FLNB: variants seen among roughly 807,000 people sequenced by gnomAD.
The protein encoded by FLNB is filamin-B.
In FLNB, 111 loss-of-function variants were observed where a neutral mutation model predicts 250.6. That is an observed-to-expected ratio of 0.44 (90% CI 0.38 to 0.52). The LOEUF is 0.52. FLNB is among the 20% of genes least tolerant of loss of function. FLNB has a pLI of 0.00. For synonymous variants in FLNB, 1,302 were observed against 1,372.1 expected (o/e 0.95, Z 1.13); for missense variants, 2,869 against 3,447.8 (o/e 0.83, Z 4.20).
intron 42 of FLNB, among the ~76,000 whole-genome samples, chr3:58,160,798 T>C (rs1008951164): frequency 2.0e-5 from 3 of 151,608 alleles, no homozygotes; most frequent in African/African-American, 7.3e-5. Context: ...CTGGGTAACA[T>C]AGTGAGACCC....
chr3:58,042,769 TTTG>T (rs1303878522), intron 1 of FLNB, among the ~76,000 whole-genome samples: 2 of 152,184 alleles, frequency 1.3e-5, no homozygotes, highest in African/African-American at 2.4e-5. Context: ...TACTCTCTCC[TTTG>T]CCTCCAGCCA....
At chr3:58,010,422 A>C (rs1478453373) in intron 1 of FLNB, among the ~76,000 whole-genome samples, 2 of 152,078 alleles carry the variant, frequency 1.3e-5, no homozygotes, top group Non-Finnish European at 2.9e-5. Flanking sequence ...CCCAGATGGC[A>C]GCCGCACCAC....
intron 1 of FLNB, among the ~76,000 whole-genome samples, chr3:58,070,660 CTTTTT>C (rs1202591087): frequency 1.1e-5 from 1 of 89,680 alleles, no homozygotes; most frequent in Admixed American, 1.3e-4. Flanking sequence ...CTCTCTCTCT[CTTTTT>C]TTTTTTTTTT....
At chr3:58,170,463 T>C (rs2097380467) in intron 45 of FLNB, 112 bp from the exon 46 acceptor site, 1 of 1,049,074 alleles carries the variant, frequency 9.5e-7, no homozygotes, top group Non-Finnish European at 1.4e-6. Flanking sequence ...TCCCACCTCT[T>C]AGGGGCCCCA....
chr3:58,081,956 G>T (rs1260237281), intron 4 of FLNB, among the ~76,000 whole-genome samples, 180 bp downstream of exon 4: 3 of 152,158 alleles, frequency 2.0e-5, no homozygotes, highest in East Asian at 1.9e-4. Flanking sequence ...TTTTTCTAAG[G>T]CTTTAAGAAA....
At chr3:58,039,833 G>A (rs192764905) in intron 1 of FLNB, among the ~76,000 whole-genome samples, 2 of 152,238 alleles carry the variant, frequency 1.3e-5, no homozygotes, top group African/African-American at 4.8e-5. Flanking sequence ...AACATCTCAC[G>A]TTGTGAAGAG....
chr3:58,170,220 C>T (rs2097379738), intron 45 of FLNB, among the ~76,000 whole-genome samples: 1 of 152,156 alleles, frequency 6.6e-6, no homozygotes, highest in Admixed American at 6.5e-5. Flanking sequence ...ATTCTCATAG[C>T]CAACACTTAG....
Position 58,118,890 on chromosome 3 carries a change from G to A in FLNB, c.2764G>A (p.Val922Met). 1 of 1,614,020 alleles carries A rather than the reference G, an allele frequency of 6.2e-7. No individual in the cohort carries two copies. Among genetic ancestry groups the A allele is most frequent in the Non-Finnish European group, 8.5e-7 (1 of 1,179,920 alleles). ...GTTCCAGGGCAACATGCAGGTTCTG[G>A]TGACTTACGGTGGCGATCCCATCCC... The part of the protein sequence containing the change: ...PTQQGNMQVL[V>M]TYGGDPIPKS... Residue 922 changes from valine to methionine, a missense_variant, in exon 19 of 46, where the codon GTG becomes ATG. Coordinates refer to ENST00000295956, the MANE Select transcript of FLNB (RefSeq NM_001457.4).
chr3:58,130,647 G>A (rs908609988), intron 24 of FLNB, 94 bp from the exon 25 acceptor site: 144 of 1,343,578 alleles, frequency 1.1e-4, no homozygotes, highest in Non-Finnish European at 1.4e-4. Context: ...CTGCATGGCC[G>A]AGGTCCCGGG....
chr3:58,138,663 C>G, intron 29 of FLNB, 134 bp downstream of exon 29: 1 of 1,059,002 alleles, frequency 9.4e-7, no homozygotes, highest in African/African-American at 1.6e-5. Flanking sequence ...GCAGTCATGA[C>G]CTTGTAGAGT....
chr3:58,143,037 C>T (rs753859782), intron 31 of FLNB, among the ~76,000 whole-genome samples: 19 of 152,346 alleles, frequency 1.2e-4, no homozygotes, highest in Middle Eastern at 3.4e-3. Context: ...TCATGACTGT[C>T]GGGTTCTTGT....
chr3:58,099,369 G>T (rs563176151), intron 8 of FLNB, among the ~76,000 whole-genome samples: 5 of 152,274 alleles, frequency 3.3e-5, no homozygotes, highest in African/African-American at 1.2e-4. Context: ...AGGTGGAGAT[G>T]CTGAGGCTTA....
chr3:58,024,145 A>G (rs1489835704), intron 1 of FLNB, among the ~76,000 whole-genome samples: 1 of 152,250 alleles, frequency 6.6e-6, no homozygotes, highest in South Asian at 2.1e-4. Context: ...TGTCTCAGCC[A>G]GGAGGCAGAG....
chr3:58,118,867 T>G lies in FLNB; in HGVS notation c.2746-5T>G. On this transcript the variant is annotated splice_polypyrimidine_tract_variant and splice_region_variant and intron_variant, in intron 18 of 45. Coordinates refer to ENST00000295956, the MANE Select transcript of FLNB (RefSeq NM_001457.4). ...AGGTAAACTGAGTTTTCTCTCTTGT[T>G]CCAGGGCAACATGCAGGTTCTGGTG... is the stretch of plus-strand genomic sequence containing the variant. The G allele has an allele frequency of 1.2e-6, 2 of 1,612,380 alleles. No individual in the cohort carries two copies. Among genetic ancestry groups the G allele is most frequent in the African/African-American group, 2.7e-5 (2 of 75,006 alleles).
intron 1 of FLNB, among the ~76,000 whole-genome samples, chr3:58,014,263 G>T (rs9834295): frequency 0.017 from 2,551 of 152,250 alleles, 89 homozygotes; most frequent in African/African-American, 0.059. Flanking sequence ...CTAAAATACG[G>T]CTATGGACTG....
At chr3:58,019,976 A>G (rs1229327957) in intron 1 of FLNB, among the ~76,000 whole-genome samples, 1 of 151,608 alleles carries the variant, frequency 6.6e-6, no homozygotes, top group Non-Finnish European at 1.5e-5. Flanking sequence ...TAGAAACCAG[A>G]GGTGAGGAAG....
chr3:58,008,505 G>A lies in FLNB; in HGVS notation c.-60G>A. The A allele has an allele frequency of 2.6e-6, 4 of 1,537,890 alleles. No individual in the cohort carries two copies. The South Asian group carries it at 4.8e-5, about 18-fold the overall frequency. On this transcript the variant is annotated 5_prime_UTR_variant, in exon 1 of 46. Coordinates refer to ENST00000295956, the MANE Select transcript of FLNB (RefSeq NM_001457.4). ...TTCGGTTCTCGCTCCTTCGGCCCTT[G>A]GGCCTCCAAACACCAGTCCCCGGCA...
At chr3:58,163,707 C>G (rs1306327121) in intron 43 of FLNB, 1 of 265,104 alleles carries the variant, frequency 3.8e-6, no homozygotes, top group East Asian at 1.0e-4. Context: ...TGGGCTCCTA[C>G]CCGTCTGTTC....
intron 4 of FLNB, among the ~76,000 whole-genome samples, chr3:58,094,274 G>A (rs909913768): frequency 6.6e-6 from 1 of 152,084 alleles, no homozygotes; most frequent in Non-Finnish European, 1.5e-5. Context: ...CACCATGTTG[G>A]CCAGGCTGGT....
Sources: allele counts gnomAD v4.1 joint callset (sites outside exome capture counted in the v4.1 genomes callset), GRCh38; gene constraint gnomAD v4.1.1; transcripts MANE v1.5; gene names NCBI Gene and HGNC (gene_info 2026-07-23, HGNC 2026-07-21).